Variants in PPARA observed in about 807,000 individuals in gnomAD.
PPARA encodes peroxisome proliferator activated receptor alpha, also known as peroxisome proliferator-activated receptor alpha.
In PPARA, 22 loss-of-function variants were observed where a neutral mutation model predicts 42.2. The observed-to-expected ratio is 0.52, with a 90% CI of 0.37 to 0.74. The LOEUF (loss-of-function observed/expected upper bound fraction) is 0.74. PPARA is among the 30% of genes least tolerant of loss of function. The probability of loss-of-function intolerance (pLI) is 0.00; values close to 1 mark genes in which losing one functional copy is unlikely to be tolerated. For synonymous variants in PPARA, 242 were observed against 239.3 expected (o/e 1.01, Z -0.10); for missense variants, 465 against 608.2 (o/e 0.76, Z 2.48).
At chr22:46,198,071 A>G (rs1932505776) in intron 3 of PPARA, among the ~76,000 whole-genome samples, 1 of 150,358 alleles carries the variant, frequency 6.7e-6, no homozygotes, top group East Asian at 2.0e-4. Context: ...TCTACTAAAA[A>G]AAAAAAAATA....
rs1451187388 is a variant in PPARA at position 46,220,696 on chromosome 22, C to T, written c.711+682C>T. ...ATGGGTCATGCCTGTAATCCTGGCA[C>T]TCTGGGGAGGCCAAGGTGGGCAGAT... On this transcript the variant is annotated intron_variant, in intron 7 of 8. Coordinates refer to ENST00000407236, the MANE Select transcript of PPARA (RefSeq NM_005036.6). 2.6e-5 allele frequency: 4 copies of T among 152,058 alleles called. No individual in the cohort carries two copies. In the East Asian group the frequency reaches 7.8e-4, roughly 30 times the overall value. 9.4% of individuals were successfully genotyped at this position (152,058 alleles called of 1,614,324 possible). A position where few individuals can be genotyped will look rare whatever the true frequency, so the allele number is the denominator to read the frequency against.
intron 2 of PPARA, among the ~76,000 whole-genome samples, chr22:46,169,156 A>C (rs554265415): frequency 1.3e-5 from 2 of 152,134 alleles, no homozygotes; most frequent in South Asian, 4.1e-4. Context: ...TGTACAACAC[A>C]AAGAGTGAAA....
chr22:46,155,697 C>T (rs1925204573), intron 2 of PPARA: 1 of 152,138 alleles, frequency 6.6e-6, no homozygotes, highest in Admixed American at 6.5e-5. Context: ...ATGAATTGCC[C>T]AGAATAAGCT....
Position 46,224,596 on chromosome 22 carries a change from C to T in PPARA, c.711+4582C>T, listed in dbSNP as rs1230763708. On this transcript the variant is annotated intron_variant, in intron 7 of 8. Coordinates refer to ENST00000407236, the MANE Select transcript of PPARA (RefSeq NM_005036.6). The surrounding 1 kb of genome is among the most constrained non-coding windows in gnomAD (Gnocchi z 5.7). ...CGCCCCACAGAGCCTCAGGAAGGCA[C>T]ACTGACCTCAGGGCCGGCGGCTGAC... Among the ~76,000 whole-genome samples the T allele has an allele frequency of 6.6e-6, 1 of 152,192 alleles. No homozygotes were observed. Among genetic ancestry groups the T allele is most frequent in the Non-Finnish European group, 1.5e-5 (1 of 68,044 alleles).
chr22:46,219,761 C>T lies in PPARA; in HGVS notation c.509-51C>T, dbSNP rs181877051. ...GGAGCCCCTCGTCCAGCCCTGTCCG[C>T]GCAGTCATGACCTCACTGCTCATGC... On this transcript the variant is annotated intron_variant, in intron 6 of 8. Coordinates refer to ENST00000407236, the MANE Select transcript of PPARA (RefSeq NM_005036.6). This position sits in a 1 kb window ranked among gnomAD's most constrained non-coding sequence, Gnocchi z 4.8. The T allele has an allele frequency of 3.5e-5, 55 of 1,576,536 alleles. No individual in the cohort carries two copies. The Admixed American group carries it at 5.0e-4, about 14-fold the overall frequency.
rs896322262 is a variant in PPARA, at chr22:46,224,631, G to A, written c.711+4617G>A. Among the ~76,000 whole-genome samples the A allele has an allele frequency of 1.3e-5, 2 of 152,152 alleles. No individual in the cohort carries two copies. Among genetic ancestry groups the A allele is most frequent in the Non-Finnish European group, 2.9e-5 (2 of 68,040 alleles). On this transcript the variant is annotated intron_variant, in intron 7 of 8. Transcript: ENST00000407236. The surrounding 1 kb of genome is among the most constrained non-coding windows in gnomAD (Gnocchi z 5.7). Reference sequence around the variant, plus strand: ...AGGGCCGGCGGCTGACTTCATTTCTGTTTGGGGATGAGAGGCGGCACAGTA... The same window carrying A: ...AGGGCCGGCGGCTGACTTCATTTCTATTTGGGGATGAGAGGCGGCACAGTA...
At chr22:46,198,743 C>T (rs1932655698) in intron 4 of PPARA, 152 bp downstream of exon 4, 1 of 790,494 alleles carries the variant, frequency 1.3e-6, no homozygotes. Context: ...TCACTGCAGG[C>T]TCCACCTCCT....
In PPARA at chr22:46,196,054, G is replaced by A. The variant is rs1424690109; in HGVS notation, c.-42-2288G>A. Among the ~76,000 whole-genome samples the A allele has an allele frequency of 6.6e-6, 1 of 152,186 alleles. No homozygotes were observed. Among genetic ancestry groups the A allele is most frequent in the East Asian group, 1.9e-4 (1 of 5,190 alleles). ...ATTCTCAGCGCTGCTGCGTTTCCAG[G>A]AGGTAGAAGAACAGTGACAAGTGCA... On this transcript the variant is annotated intron_variant, in intron 3 of 8. Transcript: ENST00000407236. The surrounding 1 kb of genome is among the most constrained non-coding windows in gnomAD (Gnocchi z 5.6).
intron 2 of PPARA, among the ~76,000 whole-genome samples, chr22:46,157,502 A>G (rs1357805341): frequency 6.6e-6 from 1 of 152,224 alleles, no homozygotes; most frequent in African/African-American, 2.4e-5. Flanking sequence ...CTCCCATTAC[A>G]GCGGTGTTAG....
At position 46,171,840 on chromosome 22, in the gene PPARA, G is replaced by A. The variant is rs1050965473; in HGVS notation, c.-126-4913G>A. 2.0e-5 allele frequency among the ~76,000 whole-genome samples: 3 copies of A among 152,170 alleles called. No homozygotes were observed. The highest frequency in any genetic ancestry group is 2.9e-5 in the Non-Finnish European group (2 of 68,028). The stretch of plus-strand genomic sequence containing the variant: ...GAAAGGCCATGGGATGGGGACCAGC[G>A]AGGGCTTCTTAGGGGACTGGATATG... On this transcript the variant is annotated intron_variant, in intron 2 of 8. Coordinates refer to ENST00000407236, the MANE Select transcript of PPARA (RefSeq NM_005036.6). This position sits in a 1 kb window ranked among gnomAD's most constrained non-coding sequence, Gnocchi z 5.0.
In PPARA at chr22:46,196,625, C is replaced by T. The variant is rs965639081; in HGVS notation, c.-42-1717C>T. On this transcript the variant is annotated intron_variant, in intron 3 of 8. Coordinates refer to ENST00000407236, the MANE Select transcript of PPARA (RefSeq NM_005036.6). The surrounding 1 kb of genome is among the most constrained non-coding windows in gnomAD (Gnocchi z 5.6). ...ATCAGTGAGGCCTTCCCTGGCCTCACCCCGGACACTCCACACGTGCATTCA... is the reference window on the plus strand; with the variant it reads ...ATCAGTGAGGCCTTCCCTGGCCTCATCCCGGACACTCCACACGTGCATTCA... Among the ~76,000 whole-genome samples the T allele has an allele frequency of 8.5e-5, 13 of 152,336 alleles. No individual in the cohort carries two copies. Among genetic ancestry groups the T allele is most frequent in the African/African-American group, 3.1e-4 (13 of 41,582 alleles).
chr22:46,154,300 T>C (rs1341274708), intron 2 of PPARA, among the ~76,000 whole-genome samples: 1 of 152,200 alleles, frequency 6.6e-6, no homozygotes, highest in Non-Finnish European at 1.5e-5. Context: ...TGCATGCTGT[T>C]TTGGAGAGTC....
chr22:46,224,045 C>T lies in PPARA; in HGVS notation c.711+4031C>T, dbSNP rs186259187. On this transcript the variant is annotated intron_variant, in intron 7 of 8. Transcript: ENST00000407236. The surrounding 1 kb of genome is among the most constrained non-coding windows in gnomAD (Gnocchi z 5.7). ...AGAAAAAGAGAACCGGGCACTCTTC[C>T]GAGAGTCAGATGCCCTCTTCCACCC... Among the ~76,000 whole-genome samples, 2 of 152,264 alleles carry T rather than the reference C, an allele frequency of 1.3e-5. No homozygotes were observed. Among genetic ancestry groups the T allele is most frequent in the East Asian group, 1.9e-4 (1 of 5,188 alleles).
In PPARA at chr22:46,231,355, A is replaced by T. The variant is rs1260881545; in HGVS notation, c.712-437A>T. 1.3e-5 allele frequency among the ~76,000 whole-genome samples: 2 copies of T among 151,930 alleles called. No homozygotes were observed. The highest frequency in any genetic ancestry group is 4.8e-5 in the African/African-American group (2 of 41,354). On this transcript the variant is annotated intron_variant, in intron 7 of 8. Transcript: ENST00000407236. This position sits in a 1 kb window ranked among gnomAD's most constrained non-coding sequence, Gnocchi z 7.7. ...TGCCTCAGCCTCCCGAGTAGCTGGGACTACAGGCGCCCGCCACCACACCCA... is the reference window on the plus strand; with the variant it reads ...TGCCTCAGCCTCCCGAGTAGCTGGGTCTACAGGCGCCCGCCACCACACCCA...
In PPARA at chr22:46,224,250, C is replaced by T. The variant is rs377745847; in HGVS notation, c.711+4236C>T. Among the ~76,000 whole-genome samples, 12 of 152,046 alleles carry T rather than the reference C, an allele frequency of 7.9e-5. No homozygotes were observed. In the East Asian group the frequency reaches 1.4e-3, roughly 17 times the overall value. On this transcript the variant is annotated intron_variant, in intron 7 of 8. Coordinates refer to ENST00000407236, the MANE Select transcript of PPARA (RefSeq NM_005036.6). The surrounding 1 kb of genome is among the most constrained non-coding windows in gnomAD (Gnocchi z 5.7). ...CCCTCCTCCCTGCCTAGCCTGCTGA[C>T]GGGCTTTCCAGAGCTGGCTCCTTCA...
At chr22:46,170,916 C>G (rs2147190191) in intron 2 of PPARA, among the ~76,000 whole-genome samples, 1 of 151,860 alleles carries the variant, frequency 6.6e-6, no homozygotes. Flanking sequence ...AATCCCAGCA[C>G]TTTGGGAGGC....
At chr22:46,154,820 C>T (rs910841475) in intron 2 of PPARA, among the ~76,000 whole-genome samples, 3 of 150,458 alleles carry the variant, frequency 2.0e-5, no homozygotes, top group African/African-American at 4.9e-5. Flanking sequence ...ACCACAGGCA[C>T]ACGCCACCAG....
In PPARA at chr22:46,193,504, C is replaced by T. The variant is rs554455027; in HGVS notation, c.-42-4838C>T. Among the ~76,000 whole-genome samples the T allele has an allele frequency of 5.3e-5, 8 of 152,240 alleles. No individual in the cohort carries two copies. The East Asian group carries it at 5.8e-4, about 11-fold the overall frequency. On this transcript the variant is annotated intron_variant, in intron 3 of 8. Coordinates refer to ENST00000407236, the MANE Select transcript of PPARA (RefSeq NM_005036.6). The surrounding 1 kb of genome is among the most constrained non-coding windows in gnomAD (Gnocchi z 5.3). ...GGCACAGCTACCCCATTCCCCATGA[C>T]GTGTTTAGTTCACATTACATGCCTA...
chr22:46,210,754 A>G (rs1933853359), intron 4 of PPARA, among the ~76,000 whole-genome samples: 1 of 152,092 alleles, frequency 6.6e-6, no homozygotes, highest in African/African-American at 2.4e-5. Context: ...AGTTGTTCTC[A>G]TTGGATGTCA....
Sources: gnomAD v4.1 joint callset for allele counts (sites outside exome capture counted in the v4.1 genomes callset) on GRCh38, gnomAD v4.1.1 for gene constraint, Gnocchi (gnomAD v3.1) non-coding constraint, MANE v1.5 for transcripts, NCBI Gene and HGNC (gene_info 2026-07-23, HGNC 2026-07-21) for gene names.